RBMS1: variants seen among roughly 807,000 people sequenced by gnomAD.
The protein encoded by RBMS1 is RNA binding motif single stranded interacting protein 1.
RBMS1 carries 17 observed loss-of-function variants against 62.3 expected under a neutral mutation model. That is an observed-to-expected ratio of 0.27 (90% CI 0.19 to 0.41). The LOEUF is 0.41. Among genes scored for constraint, RBMS1 ranks in the 10% least tolerant of loss-of-function variants. The probability of loss-of-function intolerance (pLI) is 1.00; values close to 1 mark genes in which losing one functional copy is unlikely to be tolerated. For missense variants in RBMS1, 334 were observed against 504.5 expected (o/e 0.66, Z 3.24); for synonymous variants, 172 against 170.0 (o/e 1.01, Z -0.09).
chr2:160,475,452 G>A (rs893713161), intron 1 of RBMS1, among the ~76,000 whole-genome samples: 2 of 152,184 alleles, frequency 1.3e-5, no homozygotes, highest in Non-Finnish European at 2.9e-5. Context: ...CTCTCTCAGG[G>A]AGCCCCCAGC....
intron 9 of RBMS1, chr2:160,282,433 T>C (rs1014972756): frequency 1.9e-5 from 14 of 719,592 alleles, no homozygotes; most frequent in East Asian, 5.4e-5. Context: ...CATAAGCTTA[T>C]GGTGGTTTAG....
chr2:160,281,758 C>A, intron 9 of RBMS1: 1 of 178,590 alleles, frequency 5.6e-6, no homozygotes. Flanking sequence ...AGATGAATGA[C>A]GATTAATTCC....
intron 1 of RBMS1, among the ~76,000 whole-genome samples, chr2:160,411,392 G>A (rs1431219873): frequency 2.0e-5 from 3 of 152,208 alleles, no homozygotes; most frequent in Non-Finnish European, 4.4e-5. Context: ...CTTACTGGCA[G>A]CGGGCAGAGA....
intron 1 of RBMS1, among the ~76,000 whole-genome samples, chr2:160,472,106 T>C (rs1158907888): frequency 1.3e-5 from 2 of 152,152 alleles, no homozygotes; most frequent in East Asian, 3.8e-4. Context: ...CAAAAACAGC[T>C]GGCGTCACTG....
At chr2:160,325,036 G>C (rs191059702) in intron 2 of RBMS1, among the ~76,000 whole-genome samples, 15 of 151,856 alleles carry the variant, frequency 9.9e-5, no homozygotes, top group African/African-American at 3.6e-4. Flanking sequence ...GAGTCAGTAA[G>C]GGACGTATTC....
At chr2:160,484,874 A>AAAAG (rs1256757834) in intron 1 of RBMS1, among the ~76,000 whole-genome samples, 6 of 142,140 alleles carry the variant, frequency 4.2e-5, no homozygotes, top group South Asian at 2.2e-4. Flanking sequence ...CCGTCTCAAA[A>AAAAG]AAAAAAAAAA....
chr2:160,282,276 T>G (rs1394536232), intron 9 of RBMS1: 8 of 1,367,922 alleles, frequency 5.8e-6, no homozygotes, highest in Non-Finnish European at 7.8e-6. Context: ...AGAGCCCCGA[T>G]ACTTGTTTTC....
In RBMS1 at chr2:160,347,634, T is replaced by C. The variant is rs1356460243; in HGVS notation, c.251+19582A>G. Among the ~76,000 whole-genome samples, 12 of 152,272 alleles carry C rather than the reference T, an allele frequency of 7.9e-5. 1 individual carries two copies. In the Middle Eastern group the frequency reaches 0.024, roughly 302 times the overall value. ...CAGTATAAACCAGCCCTGAATACTA[T>C]GGGTGAAATCACCTGAAGGTCTGTC... On this transcript the variant is annotated intron_variant, in intron 2 of 13. Coordinates refer to ENST00000348849, the MANE Select transcript of RBMS1 (RefSeq NM_016836.4).
rs1684054210 is a variant in RBMS1, at chr2:160,452,942, T to C, written c.75+40347A>G. ...TGATATTTACATTTGCTCAAGTCAC[T>C]TAACCTTGTAATGCCTTAGTATCTT... On this transcript the variant is annotated intron_variant, in intron 1 of 13. Transcript: ENST00000348849. Among the ~76,000 whole-genome samples, 7 of 152,214 alleles carry C rather than the reference T, an allele frequency of 4.6e-5. No homozygotes were observed. In the South Asian group the frequency reaches 1.4e-3, roughly 31 times the overall value.
In RBMS1 at chr2:160,439,218, C is replaced by A. The variant is rs575316574; in HGVS notation, c.75+54071G>T. 1.2e-4 allele frequency among the ~76,000 whole-genome samples: 18 copies of A among 151,714 alleles called. No individual in the cohort carries two copies. The South Asian group carries it at 3.8e-3, about 32-fold the overall frequency. On this transcript the variant is annotated intron_variant, in intron 1 of 13. Coordinates refer to ENST00000348849, the MANE Select transcript of RBMS1 (RefSeq NM_016836.4). ...CTGACCCCCCCACCTCCCTCTCGGA[C>A]GAGGTGGCTGCCGGACGGAGACGCT...
At chr2:160,374,241 C>A (rs961942861) in intron 1 of RBMS1, among the ~76,000 whole-genome samples, 1 of 151,984 alleles carries the variant, frequency 6.6e-6, no homozygotes, top group Non-Finnish European at 1.5e-5. Flanking sequence ...GGTAACAGAG[C>A]GAGACCTTGT....
intron 3 of RBMS1, among the ~76,000 whole-genome samples, chr2:160,314,022 C>G (rs1026902372): frequency 7.2e-5 from 11 of 152,038 alleles, no homozygotes; most frequent in African/African-American, 2.4e-4. Context: ...CAGGCCACAA[C>G]AAGTCAAAAG....
intron 2 of RBMS1, among the ~76,000 whole-genome samples, chr2:160,340,075 T>C (rs1038793609): frequency 2.0e-5 from 3 of 152,216 alleles, no homozygotes; most frequent in Non-Finnish European, 2.9e-5. Flanking sequence ...TCTTCACCAA[T>C]GGTATTACTT....
At chr2:160,437,176 C>T (rs532207943) in intron 1 of RBMS1, among the ~76,000 whole-genome samples, 2 of 152,260 alleles carry the variant, frequency 1.3e-5, no homozygotes, top group Admixed American at 1.3e-4. Context: ...CAAAGGCCGC[C>T]ATCCCAGAAC....
At chr2:160,428,072 T>G (rs1682717539) in intron 1 of RBMS1, among the ~76,000 whole-genome samples, 1 of 152,130 alleles carries the variant, frequency 6.6e-6, no homozygotes. Context: ...GAGATGGCTA[T>G]AAGACTTTCC....
chr2:160,314,395 T>A (rs1690098781), intron 3 of RBMS1, among the ~76,000 whole-genome samples: 1 of 152,156 alleles, frequency 6.6e-6, no homozygotes, highest in African/African-American at 2.4e-5. Flanking sequence ...AAAGCATCAT[T>A]GGAAGGTTGT....
In RBMS1 at chr2:160,340,307, T is replaced by C. The variant is rs889468532; in HGVS notation, c.252-22080A>G. On this transcript the variant is annotated intron_variant, in intron 2 of 13. Transcript: ENST00000348849. ...AATTCTGCTCAATTCCAGTGACAGCTTTAAAAAGAGACATCTTTGAGTTTA... is the reference window on the plus strand; with the variant it reads ...AATTCTGCTCAATTCCAGTGACAGCCTTAAAAAGAGACATCTTTGAGTTTA... Among the ~76,000 whole-genome samples the C allele has an allele frequency of 1.3e-5, 2 of 152,102 alleles. 1 individual carries two copies. The highest frequency in any genetic ancestry group is 2.9e-5 in the Non-Finnish European group (2 of 67,980).
At chr2:160,319,939 G>A (rs918383528) in intron 2 of RBMS1, among the ~76,000 whole-genome samples, 2 of 152,180 alleles carry the variant, frequency 1.3e-5, no homozygotes, top group Non-Finnish European at 2.9e-5. Flanking sequence ...TTACATCTAA[G>A]AGGCATAATG....
At chr2:160,422,630 C>T (rs1318276120) in intron 1 of RBMS1, among the ~76,000 whole-genome samples, 3 of 151,408 alleles carry the variant, frequency 2.0e-5, no homozygotes, top group Admixed American at 1.3e-4. Context: ...CCCCTCACAG[C>T]TCCCCCCGCC....
Sources: allele counts gnomAD v4.1 joint callset (sites outside exome capture counted in the v4.1 genomes callset), GRCh38; gene constraint gnomAD v4.1.1; transcripts MANE v1.5; gene names NCBI Gene and HGNC (gene_info 2026-07-23, HGNC 2026-07-21).